Variants in TGFBR1 observed in about 807,000 individuals in gnomAD.
TGFBR1 encodes transforming growth factor beta receptor 1, also known as TGF-beta receptor type-1.
TGFBR1 carries 20 observed loss-of-function variants against 55.1 expected under a neutral mutation model. The observed-to-expected ratio is 0.36, with a 90% CI of 0.26 to 0.53. The LOEUF (loss-of-function observed/expected upper bound fraction) is 0.53, where lower values mean the gene tolerates loss of function less well. TGFBR1 is among the 20% of genes least tolerant of loss of function. The pLI is 0.91. For synonymous variants in TGFBR1, 220 were observed against 214.8 expected (o/e 1.02, Z -0.21); for missense variants, 385 against 617.6 (o/e 0.62, Z 3.99).
chr9:99,149,044 T>C, intron 8 of TGFBR1, 136 bp from the exon 9 acceptor site: 1 of 916,148 alleles, frequency 1.1e-6, no homozygotes, highest in Non-Finnish European at 1.7e-6. Flanking sequence ...TTTCTACTCA[T>C]TTGCTATTAC....
At position 99,151,572 on chromosome 9, in the gene TGFBR1, G is replaced by T; in HGVS notation, c.*2267G>T. On this transcript the variant is annotated 3_prime_UTR_variant, in exon 9 of 9. Coordinates refer to ENST00000374994, the MANE Select transcript of TGFBR1 (RefSeq NM_004612.4). ...ACATGATTTCTCACTTTCATGTAAG[G>T]TTATCCACTTTTGCTGAAGATATTT... The T allele has an allele frequency of 4.3e-6, 1 of 230,044 alleles. No homozygotes were observed. The highest frequency in any genetic ancestry group is 6.3e-5 in the East Asian group (1 of 15,876). 14.3% of individuals were successfully genotyped at this position (230,044 alleles called of 1,614,324 possible).
intron 1 of TGFBR1, among the ~76,000 whole-genome samples, chr9:99,116,391 C>T (rs1378849993): frequency 6.6e-6 from 1 of 152,104 alleles, no homozygotes; most frequent in Admixed American, 6.5e-5. Context: ...ATGGTGTGTC[C>T]CTGAGGAAAT....
intron 1 of TGFBR1, among the ~76,000 whole-genome samples, chr9:99,109,145 TC>T (rs1432253375): frequency 2.0e-5 from 3 of 152,152 alleles, no homozygotes; most frequent in Non-Finnish European, 2.9e-5. Context: ...GCCTTGAACT[TC>T]ACAGAATTTA....
intron 2 of TGFBR1, among the ~76,000 whole-genome samples, chr9:99,130,313 G>T (rs751076279): frequency 2.6e-5 from 4 of 152,190 alleles, no homozygotes; most frequent in Non-Finnish European, 4.4e-5. Flanking sequence ...GTGCTCAGAG[G>T]AGCAGACACA....
At chr9:99,126,408 T>C (rs1827044581) in intron 1 of TGFBR1, among the ~76,000 whole-genome samples, 1 of 152,242 alleles carries the variant, frequency 6.6e-6, no homozygotes, top group South Asian at 2.1e-4. Context: ...TCACTTGTCA[T>C]TGGAGCTCTT....
At position 99,152,823 on chromosome 9, in the gene TGFBR1, GTC is replaced by G. The variant is rs1355357035; in HGVS notation, c.*3522_*3523del. On this transcript the variant is annotated 3_prime_UTR_variant, in exon 9 of 9. Coordinates refer to ENST00000374994, the MANE Select transcript of TGFBR1 (RefSeq NM_004612.4). ...CTTTGGACATGTACTGCAGCTTCTT[GTC>G]TCTGTTTTGGATTACTGGAATACCC... 13 of 231,498 alleles carry G rather than the reference GTC, an allele frequency of 5.6e-5. No individual in the cohort carries two copies. In the South Asian group the frequency reaches 2.2e-3, roughly 39 times the overall value. The allele number at this position is 231,498 out of a possible 1,614,324, so 14.3% of individuals were successfully genotyped here. A position where few individuals can be genotyped will look rare whatever the true frequency, so the allele number is the denominator to read the frequency against.
chr9:99,112,250 GA>G (rs1671072611), intron 1 of TGFBR1, among the ~76,000 whole-genome samples: 1 of 152,152 alleles, frequency 6.6e-6, no homozygotes, highest in Non-Finnish European at 1.5e-5. Flanking sequence ...TTGAAACAAA[GA>G]AATCAGAGGA....
chr9:99,142,775 G>A (rs1827659511), intron 5 of TGFBR1, 72 bp downstream of exon 5: 14 of 1,565,616 alleles, frequency 8.9e-6, no homozygotes, highest in African/African-American at 1.4e-5. Context: ...ATAGAAGGTG[G>A]AGGCTGGGCC....
intron 1 of TGFBR1, among the ~76,000 whole-genome samples, chr9:99,125,041 C>T (rs1241383683): frequency 6.6e-6 from 1 of 151,786 alleles, no homozygotes; most frequent in Middle Eastern, 3.2e-3. Context: ...CAAATGAATA[C>T]AATTATTCCA....
chr9:99,128,734 A>C, intron 1 of TGFBR1, 121 bp from the exon 2 acceptor site: 1 of 1,353,134 alleles, frequency 7.4e-7, no homozygotes, highest in South Asian at 1.2e-5. Flanking sequence ...TTCTAAGAGC[A>C]ACAAACAGTG....
At chr9:99,128,482 A>T (rs888104454) in intron 1 of TGFBR1, among the ~76,000 whole-genome samples, 1 of 146,800 alleles carries the variant, frequency 6.8e-6, no homozygotes, top group Non-Finnish European at 1.5e-5. Context: ...TGGTAAAAAA[A>T]AAAAAAAAAA....
chr9:99,145,740 C>T (rs1446353096), intron 6 of TGFBR1: 1 of 152,516 alleles, frequency 6.6e-6, no homozygotes, highest in Non-Finnish European at 1.5e-5. Context: ...CTGACCCAAA[C>T]CCCTTATCAC....
At position 99,150,491 on chromosome 9, in the gene TGFBR1, G is replaced by C; in HGVS notation, c.*1186G>C. 1 of 214,338 alleles carries C rather than the reference G, an allele frequency of 4.7e-6. No homozygotes were observed. The highest frequency in any genetic ancestry group is 9.5e-6 in the Non-Finnish European group (1 of 105,766). 13.3% of individuals were successfully genotyped at this position (214,338 alleles called of 1,614,324 possible). On this transcript the variant is annotated 3_prime_UTR_variant, in exon 9 of 9. Transcript: ENST00000374994. The stretch of plus-strand genomic sequence containing the variant: ...ATAGGCCTTTTTCTAGGAAGGCGAA[G>C]GTAGTTAATAATTTGAATAGATAAC...
chr9:99,117,987 T>C (rs992520995), intron 1 of TGFBR1, among the ~76,000 whole-genome samples: 5 of 152,192 alleles, frequency 3.3e-5, no homozygotes, highest in Admixed American at 6.5e-5. Flanking sequence ...ATAAATACAT[T>C]TTAAAATTTT....
chr9:99,120,473 G>A (rs1171682670), intron 1 of TGFBR1, among the ~76,000 whole-genome samples: 1 of 152,168 alleles, frequency 6.6e-6, no homozygotes, highest in Non-Finnish European at 1.5e-5. Context: ...CATTGAAGTG[G>A]AACAAAAACA....
chr9:99,129,718 G>T (rs1383226324), intron 2 of TGFBR1, among the ~76,000 whole-genome samples: 2 of 151,644 alleles, frequency 1.3e-5, no homozygotes, highest in Non-Finnish European at 2.9e-5. Context: ...TGGCCAACAT[G>T]GCAAAACCCT....
Position 99,141,415 on chromosome 9 carries a change from A to C in TGFBR1, c.806-1121A>C, listed in dbSNP as rs1178959798. 2.0e-5 allele frequency among the ~76,000 whole-genome samples: 3 copies of C among 152,236 alleles called. No homozygotes were observed. The East Asian group carries it at 5.8e-4, about 29-fold the overall frequency. ...TTCTTCAACCAAATACCTTCAAAAT[A>C]GAAGCTGTTTCATGTCAATATGGAT... On this transcript the variant is annotated intron_variant, in intron 4 of 8. Coordinates refer to ENST00000374994, the MANE Select transcript of TGFBR1 (RefSeq NM_004612.4).
chr9:99,105,365 C>G (rs1213995588), intron 1 of TGFBR1, 63 bp downstream of exon 1: 1 of 976,282 alleles, frequency 1.0e-6, no homozygotes, highest in Admixed American at 6.4e-5. Flanking sequence ...GCCTCTGGCT[C>G]GCTCCTGCTC....
At chr9:99,143,410 G>T (rs1456521949) in intron 5 of TGFBR1, among the ~76,000 whole-genome samples, 2 of 152,210 alleles carry the variant, frequency 1.3e-5, no homozygotes, top group Non-Finnish European at 2.9e-5. Context: ...TTGAGATAAG[G>T]AGACTGCATG....
Sources: allele counts gnomAD v4.1 joint callset (sites outside exome capture counted in the v4.1 genomes callset), GRCh38; gene constraint gnomAD v4.1.1; transcripts MANE v1.5; gene names NCBI Gene and HGNC (gene_info 2026-07-23, HGNC 2026-07-21).